The following GRAMD2A variants were observed in gnomAD, a reference collection of about 807,000 sequenced individuals.
GRAMD2A encodes the protein GRAM domain containing 2A, also known as GRAM domain-containing protein 2A.
A neutral mutation model predicts 51.1 loss-of-function variants in GRAMD2A; 37 were observed. The observed-to-expected ratio is 0.72, with a 90% CI of 0.56 to 0.95. The LOEUF (loss-of-function observed/expected upper bound fraction) is 0.95. GRAMD2A is among the 40% of genes least tolerant of loss of function. GRAMD2A has a pLI of 0.00. For missense variants in GRAMD2A, 414 were observed against 426.9 expected (o/e 0.97, Z 0.27); for synonymous variants, 136 against 157.1 (o/e 0.87, Z 1.01).
intron 1 of GRAMD2A, among the ~76,000 whole-genome samples, chr15:72,190,943 G>T (rs2140560986): frequency 6.6e-6 from 1 of 152,302 alleles, no homozygotes; most frequent in African/African-American, 2.4e-5. Flanking sequence ...AGTCATTGAA[G>T]CCTGGAGTCA....
chr15:72,172,886 G>A (rs983077522), intron 1 of GRAMD2A, among the ~76,000 whole-genome samples: 3 of 152,016 alleles, frequency 2.0e-5, no homozygotes, highest in East Asian at 1.9e-4. Flanking sequence ...TATGTTTCTC[G>A]CTTGGTCTCA....
chr15:72,183,348 C>T (rs2140557088), intron 1 of GRAMD2A, among the ~76,000 whole-genome samples: 1 of 151,726 alleles, frequency 6.6e-6, no homozygotes, highest in East Asian at 1.9e-4. Flanking sequence ...AATCCCATCT[C>T]TACTAAAAAT....
intron 1 of GRAMD2A, among the ~76,000 whole-genome samples, chr15:72,181,084 C>T (rs917509371): frequency 1.3e-5 from 2 of 152,176 alleles, no homozygotes; most frequent in Admixed American, 1.3e-4. Context: ...AGAGGGGTTG[C>T]CATATACAAA....
chr15:72,194,659 C>T (rs138845850), intron 1 of GRAMD2A, among the ~76,000 whole-genome samples: 5 of 151,856 alleles, frequency 3.3e-5, no homozygotes, highest in Admixed American at 6.6e-5. Context: ...TATCTGATTC[C>T]AAACTCATAT....
At chr15:72,172,603 AT>A (rs1436631792) in intron 1 of GRAMD2A, among the ~76,000 whole-genome samples, 1 of 151,076 alleles carries the variant, frequency 6.6e-6, no homozygotes, top group African/African-American at 2.4e-5. Context: ...ATATATATAA[AT>A]TTTTTAGCAG....
intron 1 of GRAMD2A, among the ~76,000 whole-genome samples, chr15:72,176,983 GC>G (rs918000842): frequency 1.3e-5 from 2 of 149,044 alleles, no homozygotes; most frequent in African/African-American, 5.0e-5. Flanking sequence ...TCCTGCCTAA[GC>G]CTCCCAAAGT....
intron 1 of GRAMD2A, among the ~76,000 whole-genome samples, chr15:72,184,139 AGG>A (rs1429833755): frequency 1.3e-5 from 2 of 152,140 alleles, no homozygotes; most frequent in Admixed American, 6.5e-5. Flanking sequence ...GGGGAGGGAG[AGG>A]GACTGCCCTC....
chr15:72,194,924 G>C (rs993844196), intron 1 of GRAMD2A, among the ~76,000 whole-genome samples: 5 of 152,186 alleles, frequency 3.3e-5, no homozygotes, highest in Admixed American at 1.3e-4. Flanking sequence ...CTGACCTCAG[G>C]GGATCCACCT....
intron 8 of GRAMD2A, among the ~76,000 whole-genome samples, chr15:72,164,940 A>G (rs761520882): frequency 2.6e-5 from 4 of 152,192 alleles, no homozygotes; most frequent in Non-Finnish European, 4.4e-5. Flanking sequence ...TGAATTCGAG[A>G]TCAGCTTGGC....
chr15:72,186,279 T>C (rs755847823), intron 1 of GRAMD2A, among the ~76,000 whole-genome samples: 1 of 151,962 alleles, frequency 6.6e-6, no homozygotes, highest in Non-Finnish European at 1.5e-5. Flanking sequence ...ATACATCAAA[T>C]GCCTTAAGAA....
At chr15:72,196,120 C>G (rs2081803375) in intron 1 of GRAMD2A, among the ~76,000 whole-genome samples, 1 of 152,166 alleles carries the variant, frequency 6.6e-6, no homozygotes, top group Non-Finnish European at 1.5e-5. Context: ...CCATTTGTCC[C>G]AGAGGTGCCC....
rs1469661834 is a variant in GRAMD2A at position 72,163,270 on chromosome 15, C to A, written c.952G>T (p.Val318Leu). Residue 318 changes from valine to leucine, a missense_variant, in exon 10 of 12, where the codon GTG (valine) becomes TTG (leucine). By Grantham distance (32) the Val-to-Leu change is conservative. Transcript: ENST00000309731. The part of the protein sequence containing the change: ...WDYRLLKVFF[V>L]LICFLVMSSS... Reference sequence around the variant, plus strand: ...CTCCCCAGTATAGTCACTTACAGCACAAAGAAGACCTTGAGGAGCCGGTAA... The same window carrying A: ...CTCCCCAGTATAGTCACTTACAGCAAAAAGAAGACCTTGAGGAGCCGGTAA... 6.2e-7 allele frequency: 1 copy of A among 1,612,950 alleles called. No homozygotes were observed. The highest frequency in any genetic ancestry group is 8.5e-7 in the Non-Finnish European group (1 of 1,178,922).
intron 1 of GRAMD2A, among the ~76,000 whole-genome samples, chr15:72,195,519 T>C (rs1482244575): frequency 1.3e-5 from 2 of 152,108 alleles, no homozygotes; most frequent in African/African-American, 4.8e-5. Flanking sequence ...CAACCCACCT[T>C]GGGTACTGCC....
rs1196386082 is a variant in GRAMD2A at position 72,166,876 on chromosome 15, A to C, written c.471+118T>G. 2 of 937,160 alleles carry C rather than the reference A, an allele frequency of 2.1e-6. No homozygotes were observed. The highest frequency in any genetic ancestry group is 3.2e-5 in the African/African-American group (2 of 61,916). The allele number at this position is 937,160 out of a possible 1,614,324, so 58.1% of individuals were successfully genotyped here. A position where few individuals can be genotyped will look rare whatever the true frequency, so the allele number is the denominator to read the frequency against. ...GCTTGTTGTACGGCCTGAAATACCT[A>C]CTGGAGAGCTGCAGGGTGGGGTGAA... is the stretch of plus-strand genomic sequence containing the variant. On this transcript the variant is annotated intron_variant, in intron 6 of 11. Transcript: ENST00000309731. The surrounding 1 kb of genome is among the most constrained non-coding windows in gnomAD (Gnocchi z 4.1).
At chr15:72,180,504 C>T (rs747847251) in intron 1 of GRAMD2A, among the ~76,000 whole-genome samples, 2 of 152,242 alleles carry the variant, frequency 1.3e-5, no homozygotes, top group African/African-American at 2.4e-5. Flanking sequence ...CGCTCAGACG[C>T]CCCCACTCAG....
chr15:72,177,805 G>A (rs560460223), intron 1 of GRAMD2A, among the ~76,000 whole-genome samples: 1 of 152,316 alleles, frequency 6.6e-6, no homozygotes, highest in South Asian at 2.1e-4. Flanking sequence ...TCAGCTCACT[G>A]CAGCCTCGAC....
intron 1 of GRAMD2A, among the ~76,000 whole-genome samples, chr15:72,172,234 T>C (rs1305975259): frequency 6.6e-6 from 1 of 151,380 alleles, no homozygotes; most frequent in East Asian, 1.9e-4. Context: ...TCCTCCCACC[T>C]CAGCTTCCCA....
chr15:72,174,392 C>T (rs1203123121), intron 1 of GRAMD2A, among the ~76,000 whole-genome samples: 2 of 152,270 alleles, frequency 1.3e-5, no homozygotes, highest in South Asian at 2.1e-4. Context: ...GACTTTTTGT[C>T]GCGCTAGGTG....
chr15:72,195,454 G>A (rs2081798036), intron 1 of GRAMD2A, among the ~76,000 whole-genome samples: 1 of 152,188 alleles, frequency 6.6e-6, no homozygotes, highest in Admixed American at 6.5e-5. Flanking sequence ...AGCCACCCAG[G>A]AGGCACTAAC....
Sources: gnomAD v4.1 joint callset for allele counts (sites outside exome capture counted in the v4.1 genomes callset) on GRCh38, gnomAD v4.1.1 for gene constraint, Gnocchi (gnomAD v3.1) non-coding constraint, MANE v1.5 for transcripts, NCBI Gene and HGNC (gene_info 2026-07-23, HGNC 2026-07-21) for gene names.